Variants in ADAMTS17 observed in about 807,000 individuals in gnomAD.
ADAMTS17 encodes ADAM metallopeptidase with thrombospondin type 1 motif 17, also known as A disintegrin and metalloproteinase with thrombospondin motifs 17.
A neutral mutation model predicts 141.5 loss-of-function variants in ADAMTS17; 113 were observed. That is an observed-to-expected ratio of 0.80 (90% confidence interval 0.69 to 0.93). The LOEUF (loss-of-function observed/expected upper bound fraction) is 0.93. Among genes scored for constraint, ADAMTS17 ranks in the 40% least tolerant of loss-of-function variants. The pLI, the probability that ADAMTS17 is intolerant of heterozygous loss-of-function variation, is 0.00. For missense variants in ADAMTS17, 1,659 were observed against 1,517.9 expected, an observed-to-expected ratio of 1.09 and a Z score of -1.54; for synonymous variants, 768 against 630.6, an observed-to-expected ratio of 1.22 and a Z score of -3.27.
chr15:100,151,695 G>C lies in ADAMTS17; in HGVS notation c.1473+917C>G, dbSNP rs914933442. ...TTCTCCACAGGATGGTGCAGGTTCT[G>C]CTCCCCTAGCCCCGTCACTGCCAGG... On this transcript the variant is annotated intron_variant, in intron 10 of 21. Coordinates refer to ENST00000268070, the MANE Select transcript of ADAMTS17 (RefSeq NM_139057.4). Among the ~76,000 whole-genome samples the C allele has an allele frequency of 5.3e-5, 8 of 152,288 alleles. No homozygotes were observed. The East Asian group carries it at 1.5e-3, about 29-fold the overall frequency.
intron 15 of ADAMTS17, among the ~76,000 whole-genome samples, chr15:100,079,516 A>G (rs1032328882): frequency 6.6e-6 from 1 of 152,214 alleles, no homozygotes; most frequent in African/African-American, 2.4e-5. Context: ...CAGACATTAG[A>G]TGAGTGGTTA....
At chr15:100,091,182 G>C (rs865869326) in intron 15 of ADAMTS17, among the ~76,000 whole-genome samples, 24 of 151,904 alleles carry the variant, frequency 1.6e-4, no homozygotes, top group Middle Eastern at 3.4e-3. Context: ...ACCAAGAAGG[G>C]AAAGAGTACC....
chr15:99,987,074 C>T (rs1310685409), intron 20 of ADAMTS17, among the ~76,000 whole-genome samples: 1 of 152,196 alleles, frequency 6.6e-6, no homozygotes, highest in Non-Finnish European at 1.5e-5. Flanking sequence ...CTCCCCAAGG[C>T]TCTGAGTGGC....
chr15:100,331,056 T>A lies in ADAMTS17; in HGVS notation c.451-2A>T. ...CTGCCCAAGCTGAATGAGGCCAACCTGTCCAGAAAGGAGAAGGAAACGCGA... is the reference window on the plus strand; with the variant it reads ...CTGCCCAAGCTGAATGAGGCCAACCAGTCCAGAAAGGAGAAGGAAACGCGA... On this transcript the variant is annotated splice_acceptor_variant, in intron 2 of 21. Coordinates refer to ENST00000268070, the MANE Select transcript of ADAMTS17 (RefSeq NM_139057.4). LOFTEE classifies it high-confidence loss of function. 6.2e-7 allele frequency: 1 copy of A among 1,614,174 alleles called. No homozygotes were observed. Among genetic ancestry groups the A allele is most frequent in the Non-Finnish European group, 8.5e-7 (1 of 1,180,032 alleles).
intron 6 of ADAMTS17, chr15:100,256,988 T>G (rs2043349359): frequency 6.6e-6 from 1 of 152,548 alleles, no homozygotes; most frequent in South Asian, 2.1e-4. Context: ...GCTAGACATG[T>G]CATGCTCACG....
Position 100,155,179 on chromosome 15 carries a change from C to T in ADAMTS17, c.1322+1G>A, listed in dbSNP as rs760748173. The T allele has an allele frequency of 3.1e-6, 5 of 1,614,182 alleles. No homozygotes were observed. Among genetic ancestry groups the T allele is most frequent in the Non-Finnish European group, 4.2e-6 (5 of 1,180,032 alleles). Reference sequence around the variant, plus strand: ...TCCTATAGAATAATTCCAGGACTTACTTGAGGAAGTTTTCAAGGTCATCTC... The same window carrying T: ...TCCTATAGAATAATTCCAGGACTTATTTGAGGAAGTTTTCAAGGTCATCTC... On this transcript the variant is annotated splice_donor_variant, in intron 9 of 21. Coordinates refer to ENST00000268070, the MANE Select transcript of ADAMTS17 (RefSeq NM_139057.4). LOFTEE classifies it high-confidence loss of function.
intron 4 of ADAMTS17, among the ~76,000 whole-genome samples, chr15:100,277,764 AG>A (rs1224462980): frequency 6.6e-6 from 1 of 152,262 alleles, no homozygotes; most frequent in Non-Finnish European, 1.5e-5. Flanking sequence ...CACCATCAAA[AG>A]TTAAGCAATT....
At chr15:100,074,509 TC>T (rs2034227958) in intron 15 of ADAMTS17, among the ~76,000 whole-genome samples, 1 of 152,094 alleles carries the variant, frequency 6.6e-6, no homozygotes, top group Non-Finnish European at 1.5e-5. Context: ...CACACCTTGT[TC>T]TATTAACAGT....
intron 17 of ADAMTS17, among the ~76,000 whole-genome samples, chr15:100,050,261 G>T (rs1287140879): frequency 6.6e-6 from 1 of 152,220 alleles, no homozygotes; most frequent in Non-Finnish European, 1.5e-5. Context: ...AGAACAGCCT[G>T]CCCCTGACCC....
intron 15 of ADAMTS17, chr15:100,063,582 A>G (rs886904780): frequency 1.2e-5 from 13 of 1,106,606 alleles, no homozygotes; most frequent in Non-Finnish European, 2.4e-6. Flanking sequence ...GAAACCAGCC[A>G]TAACCCGGGA....
intron 14 of ADAMTS17, among the ~76,000 whole-genome samples, chr15:100,103,223 A>C (rs1299437414): frequency 6.6e-6 from 1 of 152,210 alleles, no homozygotes; most frequent in Non-Finnish European, 1.5e-5. Flanking sequence ...ACTGCTATCC[A>C]TAAAGGTTTG....
intron 7 of ADAMTS17, among the ~76,000 whole-genome samples, chr15:100,244,883 A>G (rs35044117): frequency 0.81 from 122,638 of 152,070 alleles, 50,027 homozygotes; most frequent in East Asian, 0.94. Flanking sequence ...TGACAGAGGA[A>G]GCATCACTTC....
chr15:100,330,087 T>C (rs940349748), intron 3 of ADAMTS17, among the ~76,000 whole-genome samples: 25 of 152,272 alleles, frequency 1.6e-4, no homozygotes, highest in African/African-American at 6.0e-4. Context: ...CTGGGGACAT[T>C]TGTAGCCCCA....
intron 3 of ADAMTS17, among the ~76,000 whole-genome samples, chr15:100,316,854 G>A (rs755322598): frequency 9.2e-5 from 14 of 152,192 alleles, no homozygotes; most frequent in South Asian, 2.1e-4. Flanking sequence ...CAGCCTCTAC[G>A]TGCTGGGAAG....
At position 100,341,049 on chromosome 15, in the gene ADAMTS17, G is replaced by C; in HGVS notation, c.440C>G (p.Ala147Gly). 6.6e-7 allele frequency: 1 copy of C among 1,523,152 alleles called. No homozygotes were observed. Among genetic ancestry groups the C allele is most frequent in the Non-Finnish European group, 8.8e-7 (1 of 1,140,328 alleles). The allele number at this position is 1,523,152 out of a possible 1,614,324, so 94.4% of individuals were successfully genotyped here. The change falls in exon 2 of 22, where the codon GCC (alanine) becomes GGC (glycine). Residue 147 changes from alanine (A) to glycine (G), a missense_variant. Transcript: ENST00000268070. ...TGGCGCGGGCAGTACCAGGCCGCCG[G>C]CGGCGCCGCAGGCGCTGAGCGAGAC... The part of the protein sequence containing the change: ...SLVSLSACGA[A>G]GGLVGLIQLG...
intron 3 of ADAMTS17, among the ~76,000 whole-genome samples, chr15:100,296,643 G>C (rs543009454): frequency 6.6e-6 from 1 of 152,030 alleles, no homozygotes; most frequent in Non-Finnish European, 1.5e-5. Flanking sequence ...GTGCATTTAC[G>C]ATATATGATT....
At chr15:99,977,101 G>A (rs1023081760) in intron 20 of ADAMTS17, among the ~76,000 whole-genome samples, 1 of 151,982 alleles carries the variant, frequency 6.6e-6, no homozygotes, top group Admixed American at 6.6e-5. Flanking sequence ...CCACAAGCCT[G>A]GAGGATTGGG....
At chr15:100,229,230 C>G (rs944516769) in intron 7 of ADAMTS17, among the ~76,000 whole-genome samples, 1 of 152,258 alleles carries the variant, frequency 6.6e-6, no homozygotes, top group Middle Eastern at 3.4e-3. Flanking sequence ...AAATAGGACG[C>G]AAAGATGGTT....
intron 8 of ADAMTS17, among the ~76,000 whole-genome samples, chr15:100,195,520 T>TCATTTTCA (rs148469740): frequency 4.0e-5 from 6 of 151,104 alleles, no homozygotes; most frequent in African/African-American, 7.3e-5. Context: ...GAACTATTGA[T>TCATTTTCA]CATTTTCACA....
Sources: allele counts gnomAD v4.1 joint callset (sites outside exome capture counted in the v4.1 genomes callset), GRCh38; gene constraint gnomAD v4.1.1; transcripts MANE v1.5; gene names NCBI Gene and HGNC (gene_info 2026-07-23, HGNC 2026-07-21).